The following RIMS1 variants were observed in gnomAD, a reference collection of about 807,000 sequenced individuals.
RIMS1 encodes regulating synaptic membrane exocytosis 1.
In RIMS1, 83 loss-of-function variants were observed where a neutral mutation model predicts 214.1. That is an observed-to-expected ratio of 0.39 (90% CI 0.32 to 0.47). The LOEUF is 0.47. RIMS1 is among the 20% of genes least tolerant of loss of function. The probability of loss-of-function intolerance (pLI) is 0.99; values close to 1 mark genes in which losing one functional copy is unlikely to be tolerated. For missense variants in RIMS1, 2,050 were observed against 2,161.8 expected, an observed-to-expected ratio of 0.95 and a Z score of 1.03; for synonymous variants, 793 against 786.8, an observed-to-expected ratio of 1.01 and a Z score of -0.13.
intron 1 of RIMS1, among the ~76,000 whole-genome samples, chr6:71,941,719 C>A (rs781667580): frequency 2.6e-5 from 4 of 152,126 alleles, no homozygotes; most frequent in Non-Finnish European, 4.4e-5. Flanking sequence ...CTTCTCTGCC[C>A]AGATTCTTCT....
At chr6:72,339,901 A>G (rs2096990699) in intron 29 of RIMS1, among the ~76,000 whole-genome samples, 2 of 151,922 alleles carry the variant, frequency 1.3e-5, no homozygotes, top group Admixed American at 1.3e-4. Context: ...AGTCCCACCA[A>G]CAGTGTAAAA....
intron 10 of RIMS1, among the ~76,000 whole-genome samples, chr6:72,243,105 A>G (rs1457646657): frequency 6.6e-6 from 1 of 151,724 alleles, no homozygotes; most frequent in Admixed American, 6.6e-5. Context: ...TCATTTTGCC[A>G]GTCTATAATT....
At chr6:72,069,706 G>A (rs1386905835) in intron 2 of RIMS1, among the ~76,000 whole-genome samples, 1 of 152,086 alleles carries the variant, frequency 6.6e-6, no homozygotes, top group Non-Finnish European at 1.5e-5. Flanking sequence ...TCTCTCTTTT[G>A]TTCTTACAGT....
intron 2 of RIMS1, among the ~76,000 whole-genome samples, chr6:72,057,856 G>A (rs1306679929): frequency 6.6e-6 from 1 of 152,154 alleles, no homozygotes; most frequent in African/African-American, 2.4e-5. Context: ...ACTGTCCCAG[G>A]CAAACTGGGA....
In RIMS1 at chr6:72,019,634, T is replaced by G. The variant is rs1585034188; in HGVS notation, c.245+50571T>G. Among the ~76,000 whole-genome samples the G allele has an allele frequency of 2.0e-5, 3 of 152,306 alleles. No homozygotes were observed. The East Asian group carries it at 5.8e-4, about 29-fold the overall frequency. On this transcript the variant is annotated intron_variant, in intron 2 of 33. Coordinates refer to ENST00000521978, the MANE Select transcript of RIMS1 (RefSeq NM_014989.7). ...ATTTGAATGGCTGTAGACTTAACATTCTGGAAAATTATTTCACCTTGATAA... is the reference window on the plus strand; with the variant it reads ...ATTTGAATGGCTGTAGACTTAACATGCTGGAAAATTATTTCACCTTGATAA...
At chr6:72,068,610 T>C (rs2152288417) in intron 2 of RIMS1, among the ~76,000 whole-genome samples, 1 of 152,196 alleles carries the variant, frequency 6.6e-6, no homozygotes, top group South Asian at 2.1e-4. Context: ...GAACAAGAAG[T>C]GGCAATGCCC....
chr6:72,064,415 G>A (rs1828762734), intron 2 of RIMS1, among the ~76,000 whole-genome samples: 1 of 152,140 alleles, frequency 6.6e-6, no homozygotes, highest in South Asian at 2.1e-4. Flanking sequence ...TACATTTTGA[G>A]GTACTGGGAG....
At chr6:72,105,615 TAA>T (rs2153813922) in intron 4 of RIMS1, among the ~76,000 whole-genome samples, 1 of 152,288 alleles carries the variant, frequency 6.6e-6, no homozygotes, top group Admixed American at 6.5e-5. Flanking sequence ...ATGCAGATAA[TAA>T]ACACTTTCTT....
chr6:72,313,360 A>G, intron 27 of RIMS1, 146 bp from the exon 28 acceptor site: 3 of 601,180 alleles, frequency 5.0e-6, no homozygotes, highest in Middle Eastern at 4.4e-4. Flanking sequence ...ATCATATGGT[A>G]GTATTTGGAT....
chr6:72,182,190 CTGAAA>C (rs1329403861), intron 5 of RIMS1, 89 bp from the exon 6 acceptor site: 11 of 1,337,382 alleles, frequency 8.2e-6, no homozygotes, highest in Non-Finnish European at 1.1e-5. Context: ...ATTATTGTAA[CTGAAA>C]TGATTTAAGA....
At chr6:71,961,732 T>C (rs540171398) in intron 1 of RIMS1, among the ~76,000 whole-genome samples, 1 of 58,004 alleles carries the variant, frequency 1.7e-5, no homozygotes, top group South Asian at 5.4e-4. Flanking sequence ...TGGATAGGTT[T>C]TGTTTTGTTT....
At chr6:72,163,599 G>A (rs2045798431) in intron 4 of RIMS1, among the ~76,000 whole-genome samples, 3 of 140,614 alleles carry the variant, frequency 2.1e-5, no homozygotes, top group Non-Finnish European at 4.8e-5. Context: ...TTTCCTTTTA[G>A]CAGGCAAGAC....
At chr6:72,138,921 G>T (rs895383726) in intron 4 of RIMS1, among the ~76,000 whole-genome samples, 1 of 152,100 alleles carries the variant, frequency 6.6e-6, no homozygotes, top group Non-Finnish European at 1.5e-5. Context: ...TTTAAAAGGA[G>T]TTTACCATGA....
chr6:72,036,451 C>T (rs1203251646), intron 2 of RIMS1, among the ~76,000 whole-genome samples: 1 of 152,086 alleles, frequency 6.6e-6, no homozygotes, highest in Non-Finnish European at 1.5e-5. Context: ...CTATGCAAGG[C>T]ATAGGAGATA....
intron 1 of RIMS1, among the ~76,000 whole-genome samples, chr6:71,920,817 A>T (rs1160516860): frequency 6.6e-6 from 1 of 152,364 alleles, no homozygotes; most frequent in East Asian, 1.9e-4. Context: ...AAAATAGTCA[A>T]TCATATTCCT....
chr6:72,286,511 A>G (rs150793698), intron 24 of RIMS1, among the ~76,000 whole-genome samples: 142 of 152,350 alleles, frequency 9.3e-4, no homozygotes, highest in African/African-American at 3.2e-3. Flanking sequence ...CTTATAGTTT[A>G]AAGTAGAAAG....
chr6:72,398,917 AG>A lies in RIMS1; in HGVS notation c.4721-36del, dbSNP rs2098809698. The stretch of plus-strand genomic sequence containing the variant: ...CTAATTAAAAAAATAGTTGAATTTA[AG>A]GAATAATTTCTTATATGTTAATATA... On this transcript the variant is annotated intron_variant, in intron 32 of 33. Transcript: ENST00000521978. 4 of 1,290,556 alleles carry A rather than the reference AG, an allele frequency of 3.1e-6. No homozygotes were observed. The African/African-American group carries it at 6.0e-5, about 19-fold the overall frequency. 79.9% of individuals were successfully genotyped at this position (1,290,556 alleles called of 1,614,324 possible). A position where few individuals can be genotyped will look rare whatever the true frequency, so the allele number is the denominator to read the frequency against.
chr6:72,011,260 A>T (rs1485085286), intron 2 of RIMS1, among the ~76,000 whole-genome samples: 4 of 152,230 alleles, frequency 2.6e-5, no homozygotes, highest in Non-Finnish European at 4.4e-5. Flanking sequence ...TGGTGCTGGG[A>T]AAACTGGCTA....
intron 2 of RIMS1, among the ~76,000 whole-genome samples, chr6:72,087,137 C>A (rs780455899): frequency 6.6e-6 from 1 of 152,104 alleles, no homozygotes; most frequent in Non-Finnish European, 1.5e-5. Flanking sequence ...CATATATCCA[C>A]AAAGCTTGCA....
Sources: allele counts gnomAD v4.1 joint callset (sites outside exome capture counted in the v4.1 genomes callset), GRCh38; gene constraint gnomAD v4.1.1; transcripts MANE v1.5; gene names NCBI Gene and HGNC (gene_info 2026-07-23, HGNC 2026-07-21).